Variants in NUDT3 observed in about 807,000 individuals in gnomAD.
NUDT3 encodes the protein diphosphoinositol polyphosphate phosphohydrolase 1.
Under a neutral mutation model 23.6 loss-of-function variants are expected in NUDT3, and 9 were observed. That is an observed-to-expected ratio of 0.38 (90% confidence interval 0.23 to 0.66). The LOEUF is 0.66. NUDT3 is among the 30% of genes least tolerant of loss of function. NUDT3 has a pLI of 0.52. For synonymous variants in NUDT3, 86 were observed against 82.6 expected, an observed-to-expected ratio of 1.04 and a Z score of -0.22; for missense variants, 172 against 218.5, an observed-to-expected ratio of 0.79 and a Z score of 1.34.
At chr6:34,305,005 C>T (rs1474736550) in intron 2 of NUDT3, among the ~76,000 whole-genome samples, 4 of 94,318 alleles carry the variant, frequency 4.2e-5, no homozygotes, top group Admixed American at 1.5e-4. Flanking sequence ...TTTTTTGAGA[C>T]AGAGTCTTGC....
intron 4 of NUDT3, among the ~76,000 whole-genome samples, chr6:34,292,849 G>C (rs1373435228): frequency 6.6e-6 from 1 of 152,172 alleles, no homozygotes; most frequent in Admixed American, 6.5e-5. Context: ...CTGCTCAGGA[G>C]GTGCAGAAGT....
At chr6:34,391,264 T>C (rs1242762995) in intron 1 of NUDT3, among the ~76,000 whole-genome samples, 2 of 152,164 alleles carry the variant, frequency 1.3e-5, no homozygotes, top group Non-Finnish European at 2.9e-5. Flanking sequence ...CTGAATCCAA[T>C]ATAACATATT....
At position 34,377,756 on chromosome 6, in the gene NUDT3, C is replaced by G. The variant is rs910207745; in HGVS notation, c.99+14508G>C. Among the ~76,000 whole-genome samples, 16 of 150,704 alleles carry G rather than the reference C, an allele frequency of 1.1e-4. No homozygotes were observed. The South Asian group carries it at 1.5e-3, about 14-fold the overall frequency. On this transcript the variant is annotated intron_variant, in intron 1 of 4. Transcript: ENST00000607016. ...GCTGAGGCATGAGAATCGCTTGACC[C>G]TGGGAGGCAGAGGTGGCAGTGAGCC...
chr6:34,384,569 G>GT, intron 1 of NUDT3, among the ~76,000 whole-genome samples: 2 of 152,266 alleles, frequency 1.3e-5, no homozygotes, highest in East Asian at 3.9e-4. Context: ...GAAAGGCTGG[G>GT]GGAAGAGGGA....
chr6:34,390,172 T>C (rs997711367), intron 1 of NUDT3, among the ~76,000 whole-genome samples: 6 of 146,884 alleles, frequency 4.1e-5, no homozygotes, highest in Admixed American at 1.4e-4. Context: ...AGTAAATAAA[T>C]AAAATTTTAA....
At chr6:34,337,055 C>T (rs1335109869) in intron 2 of NUDT3, among the ~76,000 whole-genome samples, 2 of 152,224 alleles carry the variant, frequency 1.3e-5, no homozygotes, top group Non-Finnish European at 2.9e-5. Flanking sequence ...GGAAAATCCA[C>T]TTCTTTCATT....
At position 34,392,324 on chromosome 6, in the gene NUDT3, G is replaced by A. The variant is rs370303664; in HGVS notation, c.39C>T (p.Asp13=). 4.4e-6 allele frequency: 7 copies of A among 1,606,278 alleles called. No individual in the cohort carries two copies. The African/African-American group carries it at 9.5e-5, about 22-fold the overall frequency. ...KLKSNQTRTY[D]GDGYKKRAAC... Reference sequence around the variant, plus strand: ...CGGCCCGCTTCTTGTAGCCGTCGCCGTCGTAGGTGCGGGTCTGGTTCGACT... The same window carrying A: ...CGGCCCGCTTCTTGTAGCCGTCGCCATCGTAGGTGCGGGTCTGGTTCGACT... Residue 13 remains aspartate, a synonymous_variant, in exon 1 of 5, where the codon GAC becomes GAT. Transcript: ENST00000607016.
chr6:34,356,854 T>A (rs1454790751), intron 1 of NUDT3, among the ~76,000 whole-genome samples: 1 of 152,174 alleles, frequency 6.6e-6, no homozygotes, highest in African/African-American at 2.4e-5. Context: ...CTTGGCTCAC[T>A]GCAAGCTCCG....
chr6:34,354,753 T>TATATATATATATATATATATA lies in NUDT3; in HGVS notation c.100-12782_100-12781insTATATATATATATATATATAT, dbSNP rs1561916372. On this transcript the variant is annotated intron_variant, in intron 1 of 4. Transcript: ENST00000607016. ...GGAAAAAGTATATATATATATATAT[T>TATATATATATATATATATATA]TATTTACTTTATATTTGTATTTATT... Among the ~76,000 whole-genome samples the TATATATATATATATATATATA allele has an allele frequency of 5.5e-4, 71 of 129,138 alleles. 1 individual carries two copies. The highest frequency in any genetic ancestry group is 1.8e-3 in the African/African-American group (66 of 36,608). The allele number at this position is 129,138 out of a possible 152,430, so 84.7% of individuals were successfully genotyped here.
intron 2 of NUDT3, among the ~76,000 whole-genome samples, chr6:34,329,671 C>CT (rs776875139): frequency 1.3e-5 from 2 of 152,022 alleles, no homozygotes; most frequent in African/African-American, 4.8e-5. Flanking sequence ...TTTTATTATA[C>CT]TTTAAGTTCT....
At chr6:34,302,511 T>C (rs1478930130) in intron 2 of NUDT3, among the ~76,000 whole-genome samples, 1 of 152,198 alleles carries the variant, frequency 6.6e-6, no homozygotes. Context: ...GGTGGGCAGA[T>C]TGCCTCAGCT....
chr6:34,353,096 AAGACTTCTAG>A (rs1208726401), intron 1 of NUDT3, among the ~76,000 whole-genome samples: 1 of 152,192 alleles, frequency 6.6e-6, no homozygotes, highest in African/African-American at 2.4e-5. Context: ...ACTTCTTGTG[AAGACTTCTAG>A]AGATATTCTA....
rs1175987108 is a variant in NUDT3, at chr6:34,284,146, G to A, written c.*4607C>T. ...GCAGTATGAACTGCCCACCTCAACT[G>A]GGCAGTCTGACCTCTTCCACAGTCT... On this transcript the variant is annotated 3_prime_UTR_variant, in exon 5 of 5. Coordinates refer to ENST00000607016, the MANE Select transcript of NUDT3 (RefSeq NM_006703.4). 1 of 152,160 alleles carries A rather than the reference G, an allele frequency of 6.6e-6. No homozygotes were observed. Among genetic ancestry groups the A allele is most frequent in the African/African-American group, 2.4e-5 (1 of 41,442 alleles). The allele number at this position is 152,160 out of a possible 1,614,324, so 9.4% of individuals were successfully genotyped here.
At chr6:34,299,910 A>T (rs1763573480) in intron 2 of NUDT3, among the ~76,000 whole-genome samples, 1 of 130,080 alleles carries the variant, frequency 7.7e-6, no homozygotes, top group Non-Finnish European at 1.8e-5. Context: ...CAAAAAAAAA[A>T]AAAATATTTT....
Position 34,285,671 on chromosome 6 carries a change from A to G in NUDT3, c.*3082T>C, listed in dbSNP as rs1763325947. 1 of 152,188 alleles carries G rather than the reference A, an allele frequency of 6.6e-6. No individual in the cohort carries two copies. Among genetic ancestry groups the G allele is most frequent in the African/African-American group, 2.4e-5 (1 of 41,444 alleles). The allele number at this position is 152,188 out of a possible 1,614,324, so 9.4% of individuals were successfully genotyped here. A position where few individuals can be genotyped will look rare whatever the true frequency, so the allele number is the denominator to read the frequency against. On this transcript the variant is annotated 3_prime_UTR_variant, in exon 5 of 5. Coordinates refer to ENST00000607016, the MANE Select transcript of NUDT3 (RefSeq NM_006703.4). ...TCTTTTGATTATTTTCTTTGGGGAG[A>G]TAAAGGTATTGCAACCATGGGTCTA...
chr6:34,299,946 G>A (rs1344373972), intron 2 of NUDT3, among the ~76,000 whole-genome samples: 1 of 151,274 alleles, frequency 6.6e-6, no homozygotes, highest in Non-Finnish European at 1.5e-5. Flanking sequence ...ACAGGGTTTC[G>A]CTGTGTCACC....
intron 2 of NUDT3, among the ~76,000 whole-genome samples, chr6:34,327,037 T>C (rs1207498036): frequency 6.7e-6 from 1 of 150,258 alleles, no homozygotes; most frequent in Admixed American, 6.6e-5. Flanking sequence ...CGGAGACCGG[T>C]AGTGGCCCTG....
chr6:34,369,340 T>C (rs1764792082), intron 1 of NUDT3, among the ~76,000 whole-genome samples: 1 of 152,188 alleles, frequency 6.6e-6, no homozygotes, highest in Non-Finnish European at 1.5e-5. Flanking sequence ...CATCCTGAAA[T>C]CTCTCTTCTT....
chr6:34,315,943 G>A (rs1763850954), intron 2 of NUDT3, among the ~76,000 whole-genome samples: 1 of 152,162 alleles, frequency 6.6e-6, no homozygotes, highest in East Asian at 1.9e-4. Context: ...TGTCATGGAG[G>A]AGCTCTCGTC....
Sources: gnomAD v4.1 joint callset for allele counts (sites outside exome capture counted in the v4.1 genomes callset) on GRCh38, gnomAD v4.1.1 for gene constraint, MANE v1.5 for transcripts, NCBI Gene and HGNC (gene_info 2026-07-23, HGNC 2026-07-21) for gene names.